NIBAN1: variants seen among roughly 807,000 people sequenced by gnomAD.
NIBAN1 encodes the protein niban apoptosis regulator 1, also known as protein Niban 1.
NIBAN1 carries 81 observed loss-of-function variants against 75.1 expected under a neutral mutation model. The observed-to-expected ratio is 1.08, with a 90% CI of 0.90 to 1.30. The LOEUF is 1.30. NIBAN1 is among the 50% of genes most tolerant of loss of function. NIBAN1 has a pLI of 0.00. For synonymous variants in NIBAN1, 436 were observed against 424.8 expected, an observed-to-expected ratio of 1.03 and a Z score of -0.32; for missense variants, 1,133 against 1,128.1, an observed-to-expected ratio of 1.00 and a Z score of -0.06.
At chr1:184,951,710 C>G (rs1226179079) in intron 1 of NIBAN1, among the ~76,000 whole-genome samples, 1 of 152,194 alleles carries the variant, frequency 6.6e-6, no homozygotes, top group African/African-American at 2.4e-5. Context: ...CCCCTACAGT[C>G]TATTCTCTAC....
At chr1:184,915,397 G>A (rs1282314467) in intron 1 of NIBAN1, among the ~76,000 whole-genome samples, 1 of 152,208 alleles carries the variant, frequency 6.6e-6, no homozygotes, top group Non-Finnish European at 1.5e-5. Flanking sequence ...AGAGGGAGAA[G>A]GCTCTTGTTC....
intron 1 of NIBAN1, among the ~76,000 whole-genome samples, chr1:184,917,946 C>T (rs1657438039): frequency 6.6e-6 from 1 of 152,190 alleles, no homozygotes; most frequent in African/African-American, 2.4e-5. Flanking sequence ...TAATCAGTCA[C>T]TCTTTCCCTT....
intron 1 of NIBAN1, among the ~76,000 whole-genome samples, chr1:184,945,663 G>T (rs922042728): frequency 6.6e-6 from 1 of 152,132 alleles, no homozygotes; most frequent in Non-Finnish European, 1.5e-5. Flanking sequence ...TTAATGATTT[G>T]CTACTTTAAC....
intron 1 of NIBAN1, among the ~76,000 whole-genome samples, chr1:184,925,520 A>T (rs1460092403): frequency 6.6e-6 from 1 of 151,870 alleles, no homozygotes; most frequent in Non-Finnish European, 1.5e-5. Context: ...TTATTAGTGA[A>T]GATGATTTTT....
intron 5 of NIBAN1, among the ~76,000 whole-genome samples, chr1:184,864,713 C>G: frequency 6.6e-6 from 1 of 151,938 alleles, no homozygotes; most frequent in East Asian, 1.9e-4. Flanking sequence ...GTCTAATATT[C>G]AGAACCTTTA....
intron 8 of NIBAN1, chr1:184,821,517 T>C (rs1297266383): frequency 6.6e-6 from 1 of 152,216 alleles, no homozygotes; most frequent in South Asian, 2.1e-4. Context: ...GACTTGATCA[T>C]TACTTCCTTT....
At chr1:184,853,406 G>A (rs1261073268) in intron 5 of NIBAN1, among the ~76,000 whole-genome samples, 2 of 152,228 alleles carry the variant, frequency 1.3e-5, no homozygotes, top group Admixed American at 6.5e-5. Flanking sequence ...AATGGATAAA[G>A]TGATGATAAT....
At chr1:184,924,553 T>C (rs1657637509) in intron 1 of NIBAN1, among the ~76,000 whole-genome samples, 1 of 152,182 alleles carries the variant, frequency 6.6e-6, no homozygotes. Flanking sequence ...ACTGGCCTCA[T>C]TGAATGATTT....
intron 1 of NIBAN1, among the ~76,000 whole-genome samples, chr1:184,908,751 C>T (rs962013644): frequency 3.9e-5 from 6 of 152,130 alleles, no homozygotes; most frequent in Admixed American, 2.0e-4. Context: ...CACAGCACGC[C>T]TCCAATTTTC....
At chr1:184,968,696 T>C (rs1192567327) in intron 1 of NIBAN1, among the ~76,000 whole-genome samples, 15 of 152,230 alleles carry the variant, frequency 9.9e-5, no homozygotes. Context: ...TAGGATGCTT[T>C]GGGCCGCACG....
intron 9 of NIBAN1, among the ~76,000 whole-genome samples, chr1:184,813,903 C>T (rs1429811542): frequency 1.3e-5 from 2 of 152,210 alleles, no homozygotes; most frequent in South Asian, 2.1e-4. Context: ...AATTAAAATC[C>T]CTTACTCACC....
chr1:184,816,063 G>A (rs1292966388), intron 9 of NIBAN1, among the ~76,000 whole-genome samples: 2 of 152,186 alleles, frequency 1.3e-5, no homozygotes, highest in Non-Finnish European at 2.9e-5. Context: ...ATCATATGTA[G>A]ATTATAAAAA....
intron 9 of NIBAN1, among the ~76,000 whole-genome samples, chr1:184,817,303 T>C (rs1571488000): frequency 6.6e-6 from 1 of 152,354 alleles, no homozygotes; most frequent in Non-Finnish European, 1.5e-5. Flanking sequence ...TCCAAGTCTT[T>C]GCTATTGTGA....
Position 184,877,693 on chromosome 1 carries a change from T to C in NIBAN1, c.601+6940A>G, listed in dbSNP as rs927362622. On this transcript the variant is annotated intron_variant, in intron 5 of 13. Coordinates refer to ENST00000367511, the MANE Select transcript of NIBAN1 (RefSeq NM_052966.4). ...CATGCCAAATAGAGTCCTTTCATAA[T>C]GTTGATTATCTAACCACATATTAAA... 3.9e-5 allele frequency among the ~76,000 whole-genome samples: 6 copies of C among 152,344 alleles called. No individual in the cohort carries two copies. In the South Asian group the frequency reaches 1.0e-3, roughly 26 times the overall value.
chr1:184,971,045 G>A (rs146520106), intron 1 of NIBAN1, among the ~76,000 whole-genome samples: 1 of 152,040 alleles, frequency 6.6e-6, no homozygotes, highest in Non-Finnish European at 1.5e-5. Context: ...CAGCACTTTG[G>A]GAGGCCAAGG....
Position 184,793,202 on chromosome 1 carries a change from CAT to C in NIBAN1, c.*1773_*1774del, listed in dbSNP as rs1571460986. The C allele has an allele frequency of 6.6e-6, 1 of 152,150 alleles. No homozygotes were observed. The highest frequency in any genetic ancestry group is 1.5e-5 in the Non-Finnish European group (1 of 68,018). 9.4% of individuals were successfully genotyped at this position (152,150 alleles called of 1,614,324 possible). A position where few individuals can be genotyped will look rare whatever the true frequency, so the allele number is the denominator to read the frequency against. ...TGAAGCAAATGCTCTAAAGAACTGA[CAT>C]AAATTTACTCGATAGTGATGATCTA... On this transcript the variant is annotated 3_prime_UTR_variant, in exon 14 of 14. Coordinates refer to ENST00000367511, the MANE Select transcript of NIBAN1 (RefSeq NM_052966.4).
At chr1:184,971,629 C>A (rs1043686455) in intron 1 of NIBAN1, among the ~76,000 whole-genome samples, 2 of 151,894 alleles carry the variant, frequency 1.3e-5, no homozygotes, top group African/African-American at 2.4e-5. Context: ...GAGATCGTGC[C>A]ACTACACTCC....
At chr1:184,825,029 G>GACCGGAC (rs1654806951) in intron 6 of NIBAN1, among the ~76,000 whole-genome samples, 2 of 152,108 alleles carry the variant, frequency 1.3e-5, no homozygotes, top group South Asian at 4.2e-4. Flanking sequence ...GACCTGTTGG[G>GACCGGAC]ACCTGACACC....
intron 1 of NIBAN1, among the ~76,000 whole-genome samples, chr1:184,940,181 T>C (rs146350901): frequency 5.3e-5 from 8 of 151,996 alleles, no homozygotes; most frequent in Non-Finnish European, 7.4e-5. Context: ...AAAAAGGACA[T>C]TGGGGGTAAC....
Sources: allele counts gnomAD v4.1 joint callset (sites outside exome capture counted in the v4.1 genomes callset), GRCh38; gene constraint gnomAD v4.1.1; transcripts MANE v1.5; gene names NCBI Gene and HGNC (gene_info 2026-07-23, HGNC 2026-07-21).